C9orf152: variants seen among roughly 807,000 people sequenced by gnomAD.
The protein encoded by C9orf152 is chromosome 9 open reading frame 152.
A neutral mutation model predicts 8.5 loss-of-function variants in C9orf152; 8 were observed. The observed-to-expected ratio is 0.94, with a 90% CI of 0.55 to 1.70. The LOEUF is 1.70. C9orf152 is among the 40% of genes most tolerant of loss of function. C9orf152 has a pLI of 0.00. For missense variants in C9orf152, 293 were observed against 286.2 expected (o/e 1.02, Z -0.17); for synonymous variants, 109 against 113.0 (o/e 0.96, Z 0.22).
In C9orf152 at chr9:110,207,429, T is replaced by A; in HGVS notation, c.151A>T (p.Arg51Trp). 6.2e-7 allele frequency: 1 copy of A among 1,613,252 alleles called. No individual in the cohort carries two copies. ...AGGTGGGCCTGGGTCCTCTGCTGCCTCTTCAAGCCTTCATACTGGGCTCGC... is the reference window on the plus strand; with the variant it reads ...AGGTGGGCCTGGGTCCTCTGCTGCCACTTCAAGCCTTCATACTGGGCTCGC... ...FLRAQYEGLKRQQRTQAHLLV... is the reference protein window; with the variant it reads ...FLRAQYEGLKWQQRTQAHLLV... Residue 51 changes from arginine (R) to tryptophan (W), a missense_variant, in exon 1 of 2, where the codon AGG (arginine) becomes TGG (tryptophan). Physicochemically the swap from Arg to Trp is moderately radical, Grantham distance 101. Transcript: ENST00000400613.
intron 1 of C9orf152, among the ~76,000 whole-genome samples, chr9:110,206,387 T>A (rs1394912771): frequency 6.6e-6 from 1 of 152,208 alleles, no homozygotes. Flanking sequence ...AATTGATAAA[T>A]GTTTGTTGAA....
chr9:110,205,918 A>G (rs1837269196), intron 1 of C9orf152, among the ~76,000 whole-genome samples: 2 of 152,094 alleles, frequency 1.3e-5, no homozygotes, highest in African/African-American at 4.8e-5. Flanking sequence ...TTAACCGAGC[A>G]TGGTGGCAGG....
In C9orf152 at chr9:110,207,697, G is replaced by A; in HGVS notation, c.-118C>T. The A allele has an allele frequency of 1.5e-6, 1 of 668,920 alleles. No homozygotes were observed. Among genetic ancestry groups the A allele is most frequent in the South Asian group, 2.2e-5 (1 of 46,278 alleles). The allele number at this position is 668,920 out of a possible 1,614,324, so 41.4% of individuals were successfully genotyped here. A position where few individuals can be genotyped will look rare whatever the true frequency, so the allele number is the denominator to read the frequency against. ...ACGGGCAAAAGGAGGGTGGAAAGAG[G>A]AGTGGGACTGAGGAAGGAGATAGAA... On this transcript the variant is annotated 5_prime_UTR_variant, in exon 1 of 2. Coordinates refer to ENST00000400613, the MANE Select transcript of C9orf152 (RefSeq NM_001012993.3).
At chr9:110,201,547 G>T in intron 1 of C9orf152, 73 bp from the exon 2 acceptor site, 1 of 1,282,474 alleles carries the variant, frequency 7.8e-7, no homozygotes, top group Non-Finnish European at 1.0e-6. Context: ...GGGTCTCATT[G>T]CTTTCAAGCT....
chr9:110,206,063 A>AG (rs1306240867), intron 1 of C9orf152, among the ~76,000 whole-genome samples: 1 of 151,412 alleles, frequency 6.6e-6, no homozygotes, highest in Non-Finnish European at 1.5e-5. Flanking sequence ...TGTCTCAAAA[A>AG]AAAAAAAATG....
Position 110,207,792 on chromosome 9 carries a change from A to C in C9orf152, c.-213T>G. 1 of 502,806 alleles carries C rather than the reference A, an allele frequency of 2.0e-6. No individual in the cohort carries two copies. The highest frequency in any genetic ancestry group is 3.5e-6 in the Non-Finnish European group (1 of 289,136). The allele number at this position is 502,806 out of a possible 1,614,324, so 31.1% of individuals were successfully genotyped here. ...ATAGGGAGAAATGTGGGGGAGGAGAAAGGTGGGAGACAGTGGCAGTAAGAG... is the reference window on the plus strand; with the variant it reads ...ATAGGGAGAAATGTGGGGGAGGAGACAGGTGGGAGACAGTGGCAGTAAGAG... On this transcript the variant is annotated 5_prime_UTR_variant, in exon 1 of 2. Transcript: ENST00000400613.
Sources: allele counts gnomAD v4.1 joint callset (sites outside exome capture counted in the v4.1 genomes callset), GRCh38; gene constraint gnomAD v4.1.1; transcripts MANE v1.5; gene names NCBI Gene and HGNC (gene_info 2026-07-23, HGNC 2026-07-21).